EFEMP1: variants seen among roughly 807,000 people sequenced by gnomAD.
The protein encoded by EFEMP1 is EGF-containing fibulin-like extracellular matrix protein 1.
In EFEMP1, 18 loss-of-function variants were observed where a neutral mutation model predicts 65.7. The ratio of observed to expected loss-of-function variants is 0.27; its 90% CI spans 0.19 to 0.41. The LOEUF is 0.41. Among genes scored for constraint, EFEMP1 ranks in the 10% least tolerant of loss-of-function variants. EFEMP1 has a pLI of 1.00. For missense variants in EFEMP1, 469 were observed against 624.8 expected, an observed-to-expected ratio of 0.75 and a Z score of 2.66; for synonymous variants, 237 against 219.7, an observed-to-expected ratio of 1.08 and a Z score of -0.70.
intron 9 of EFEMP1, among the ~76,000 whole-genome samples, chr2:55,874,406 A>G (rs1162863164): frequency 2.1e-5 from 3 of 146,158 alleles, no homozygotes; most frequent in Non-Finnish European, 4.6e-5. Context: ...TGTGAAGATC[A>G]TCTGAATGTT....
chr2:55,878,093 G>A (rs1299526949), intron 6 of EFEMP1, among the ~76,000 whole-genome samples: 1 of 152,094 alleles, frequency 6.6e-6, no homozygotes, highest in East Asian at 1.9e-4. Flanking sequence ...AAACTTGGTG[G>A]GTGGATTGAG....
intron 5 of EFEMP1, among the ~76,000 whole-genome samples, chr2:55,894,569 T>G (rs1669746366): frequency 6.6e-6 from 1 of 152,258 alleles, no homozygotes; most frequent in African/African-American, 2.4e-5. Flanking sequence ...GAAACATTCA[T>G]TCAGTCATAT....
Position 55,923,733 on chromosome 2 carries a change from G to C in EFEMP1, c.-71C>G. ...TACCTGTGCGGCCGCGCTGCGCTCC[G>C]GGCCCGGGCAGCGAGGGGAGTGCGC... is the stretch of plus-strand genomic sequence containing the variant. On this transcript the variant is annotated 5_prime_UTR_variant, in exon 1 of 12. Transcript: ENST00000355426. The surrounding 1 kb of genome is among the most constrained non-coding windows in gnomAD (Gnocchi z 5.3). 1 of 985,706 alleles carries C rather than the reference G, an allele frequency of 1.0e-6. No homozygotes were observed. Among genetic ancestry groups the C allele is most frequent in the Non-Finnish European group, 1.2e-6 (1 of 830,234 alleles). The allele number at this position is 985,706 out of a possible 1,614,324, so 61.1% of individuals were successfully genotyped here. A position where few individuals can be genotyped will look rare whatever the true frequency, so the allele number is the denominator to read the frequency against.
At chr2:55,898,910 C>A (rs2104421255) in intron 5 of EFEMP1, among the ~76,000 whole-genome samples, 1 of 152,174 alleles carries the variant, frequency 6.6e-6, no homozygotes, top group Non-Finnish European at 1.5e-5. Context: ...GAGTGAGTTT[C>A]TCAAAAAAGA....
rs1668879980 is a variant in EFEMP1, at chr2:55,873,066, C to CCACATACACA, written c.1000+1879_1000+1880insTGTGTATGTG. ...TTCTTTTGTCTCTCTGTCTCTCTCT[C>CCACATACACA]CACACACACACACACACACACACAC... On this transcript the variant is annotated intron_variant, in intron 9 of 11. Coordinates refer to ENST00000355426, the MANE Select transcript of EFEMP1 (RefSeq NM_001039348.3). The surrounding 1 kb of genome is among the most constrained non-coding windows in gnomAD (Gnocchi z 4.6). Among the ~76,000 whole-genome samples, 1 of 145,294 alleles carries CCACATACACA rather than the reference C, an allele frequency of 6.9e-6. No individual in the cohort carries two copies. Among genetic ancestry groups the CCACATACACA allele is most frequent in the Non-Finnish European group, 1.5e-5 (1 of 66,124 alleles).
rs770059658 is a variant in EFEMP1, at chr2:55,871,144, A to C, written c.1001-21T>G. The C allele has an allele frequency of 6.2e-7, 1 of 1,613,172 alleles. No homozygotes were observed. Among genetic ancestry groups the C allele is most frequent in the Non-Finnish European group, 8.5e-7 (1 of 1,179,466 alleles). On this transcript the variant is annotated intron_variant, in intron 9 of 11. Coordinates refer to ENST00000355426, the MANE Select transcript of EFEMP1 (RefSeq NM_001039348.3). This position sits in a 1 kb window ranked among gnomAD's most constrained non-coding sequence, Gnocchi z 4.2. Reference sequence around the variant, plus strand: ...TATATCTGTAGAGATGTAGGGTCAAAGAGTTTACTAACTAAACTAATGAAC... The same window carrying C: ...TATATCTGTAGAGATGTAGGGTCAACGAGTTTACTAACTAAACTAATGAAC...
chr2:55,880,428 A>T (rs6735306), intron 6 of EFEMP1, among the ~76,000 whole-genome samples: 13,760 of 152,256 alleles, frequency 0.09, 684 homozygotes, highest in African/African-American at 0.13. Flanking sequence ...AAACTTTGTT[A>T]TCTCTGGAGT....
intron 11 of EFEMP1, among the ~76,000 whole-genome samples, chr2:55,869,867 C>A (rs1246264628): frequency 6.6e-6 from 1 of 151,978 alleles, no homozygotes; most frequent in Non-Finnish European, 1.5e-5. Flanking sequence ...CAAATTTTAA[C>A]CTAAAATGAA....
Position 55,921,706 on chromosome 2 carries a change from A to C in EFEMP1, c.81+654T>G, listed in dbSNP as rs2104457539. ...AACATTGGTTACACCTATGCAACTA[A>C]CTAATCAAATATTACTTGGAAATAT... On this transcript the variant is annotated intron_variant, in intron 3 of 11. Transcript: ENST00000355426. This position sits in a 1 kb window ranked among gnomAD's most constrained non-coding sequence, Gnocchi z 4.1. 6.6e-6 allele frequency among the ~76,000 whole-genome samples: 1 copy of C among 152,330 alleles called. No individual in the cohort carries two copies. The highest frequency in any genetic ancestry group is 2.4e-5 in the African/African-American group (1 of 41,562).
At position 55,919,790 on chromosome 2, in the gene EFEMP1, A is replaced by C. The variant is rs1240225474; in HGVS notation, c.82-1523T>G. Among the ~76,000 whole-genome samples, 4 of 152,154 alleles carry C rather than the reference A, an allele frequency of 2.6e-5. No individual in the cohort carries two copies. Among genetic ancestry groups the C allele is most frequent in the Non-Finnish European group, 5.9e-5 (4 of 68,028 alleles). ...AGACTAATTTTTTTCTTGTTTCCCA[A>C]ACAGTGTTAAAGGTACCACTACCTT... On this transcript the variant is annotated intron_variant, in intron 3 of 11. Transcript: ENST00000355426. The surrounding 1 kb of genome is among the most constrained non-coding windows in gnomAD (Gnocchi z 4.5).
At position 55,880,736 on chromosome 2, in the gene EFEMP1, A is replaced by C. The variant is rs551105915; in HGVS notation, c.640+876T>G. ...TAAATAAATGGACAGTCAGAGTTTC[A>C]TGCCTAGTGCTGGGCCTCATGATTG... On this transcript the variant is annotated intron_variant, in intron 6 of 11. Coordinates refer to ENST00000355426, the MANE Select transcript of EFEMP1 (RefSeq NM_001039348.3). Among the ~76,000 whole-genome samples, 5 of 152,326 alleles carry C rather than the reference A, an allele frequency of 3.3e-5. No individual in the cohort carries two copies. The South Asian group carries it at 1.0e-3, about 32-fold the overall frequency.
intron 5 of EFEMP1, among the ~76,000 whole-genome samples, chr2:55,916,972 G>A (rs1456837508): frequency 2.6e-5 from 4 of 152,222 alleles, no homozygotes; most frequent in Non-Finnish European, 5.9e-5. Flanking sequence ...ATGCCATGGT[G>A]CAAGTGATAT....
rs1469786167 is a variant in EFEMP1 at position 55,917,721 on chromosome 2, G to A, written c.461C>T (p.Ser154Phe). 5.0e-6 allele frequency: 8 copies of A among 1,614,220 alleles called. No homozygotes were observed. Among genetic ancestry groups the A allele is most frequent in the Non-Finnish European group, 5.9e-6 (7 of 1,180,030 alleles). ...GCCTGCTGCACACTGGATACGGTGG[G>A]AAGGGTTGGAGGGAATGCGCTGAGG... ...ADPQRIPSNPSHRIQCAAGYE... is the reference protein window; with the variant it reads ...ADPQRIPSNPFHRIQCAAGYE... Residue 154 changes from serine to phenylalanine, a missense_variant, in exon 5 of 12, where the codon TCC becomes TTC. Ser to Phe is a radical substitution (Grantham distance 155, BLOSUM62 -2). Coordinates refer to ENST00000355426, the MANE Select transcript of EFEMP1 (RefSeq NM_001039348.3). The surrounding 1 kb of genome is among the most constrained non-coding windows in gnomAD (Gnocchi z 6.3).
chr2:55,917,874 G>A lies in EFEMP1; in HGVS notation c.308C>T (p.Ala103Val), dbSNP rs780187035. ...TCCACTGGTTGCCATGCTGCTGGCA[G>A]CTACAACCCCGGTGGTTGCCCCTGA... ...GTSGATTGVV[A>V]ASSMATSGVL... Residue 103 changes from alanine (A) to valine (V), a missense_variant, in exon 5 of 12, where the codon GCT (alanine) becomes GTT (valine). Ala to Val is a moderately conservative substitution (Grantham distance 64). This residue lies in a region of EFEMP1 where 399 missense variants were observed against 528.2 expected (regional missense o/e 0.76). Transcript: ENST00000355426. The surrounding 1 kb of genome is among the most constrained non-coding windows in gnomAD (Gnocchi z 6.3). The A allele has an allele frequency of 6.2e-7, 1 of 1,614,262 alleles. No individual in the cohort carries two copies. Among genetic ancestry groups the A allele is most frequent in the South Asian group, 1.1e-5 (1 of 91,092 alleles).
At position 55,914,254 on chromosome 2, in the gene EFEMP1, G is replaced by A. The variant is rs1349512579; in HGVS notation, c.517+3411C>T. Among the ~76,000 whole-genome samples the A allele has an allele frequency of 2.0e-5, 3 of 152,024 alleles. No individual in the cohort carries two copies. The East Asian group carries it at 5.8e-4, about 29-fold the overall frequency. On this transcript the variant is annotated intron_variant, in intron 5 of 11. Coordinates refer to ENST00000355426, the MANE Select transcript of EFEMP1 (RefSeq NM_001039348.3). The stretch of plus-strand genomic sequence containing the variant: ...GATGCCAAGAATAATGTCAGTCATG[G>A]GAAACTCCCAGCGTTACTGGCTCCC...
chr2:55,907,436 T>C lies in EFEMP1; in HGVS notation c.517+10229A>G, dbSNP rs558983929. On this transcript the variant is annotated intron_variant, in intron 5 of 11. Coordinates refer to ENST00000355426, the MANE Select transcript of EFEMP1 (RefSeq NM_001039348.3). ...TTTCTTTTTTAGAAGTGGAATCTTT[T>C]GATATCACACATTTACAAATTGTAA... 3.9e-5 allele frequency among the ~76,000 whole-genome samples: 6 copies of C among 152,338 alleles called. No individual in the cohort carries two copies. The South Asian group carries it at 1.2e-3, about 32-fold the overall frequency.
chr2:55,904,482 A>T (rs1670167974), intron 5 of EFEMP1, among the ~76,000 whole-genome samples: 1 of 152,170 alleles, frequency 6.6e-6, no homozygotes, highest in South Asian at 2.1e-4. Flanking sequence ...CAGAATAGAC[A>T]GCATTTGAAT....
At chr2:55,911,303 T>A (rs1377992923) in intron 5 of EFEMP1, among the ~76,000 whole-genome samples, 1 of 151,928 alleles carries the variant, frequency 6.6e-6, no homozygotes, top group Admixed American at 6.6e-5. Context: ...AGAGGCAGAA[T>A]GTATATTTTT....
At chr2:55,876,462 A>T (rs2104382631) in intron 8 of EFEMP1, among the ~76,000 whole-genome samples, 161 bp downstream of exon 8, 1 of 152,240 alleles carries the variant, frequency 6.6e-6, no homozygotes, top group East Asian at 1.9e-4. Flanking sequence ...TCTTGGTAAC[A>T]CACTAAAAAG....
Sources: gnomAD v4.1 joint callset for allele counts (sites outside exome capture counted in the v4.1 genomes callset) on GRCh38, gnomAD v4.1.1 for gene constraint, gnomAD v4.1.1 regional missense constraint, Gnocchi (gnomAD v3.1) non-coding constraint, MANE v1.5 for transcripts, NCBI Gene and HGNC (gene_info 2026-07-23, HGNC 2026-07-21) for gene names.